The following GRM7 variants were observed in gnomAD, a reference collection of about 807,000 sequenced individuals.
The protein encoded by GRM7 is metabotropic glutamate receptor 7.
GRM7 carries 35 observed loss-of-function variants against 84.5 expected under a neutral mutation model. The observed-to-expected ratio is 0.41, with a 90% CI of 0.32 to 0.55. The LOEUF (loss-of-function observed/expected upper bound fraction) is 0.55, where lower values mean the gene tolerates loss of function less well. Ranked by LOEUF, GRM7 falls within the 20% of genes least tolerant of loss-of-function variation. The pLI is 0.19. For synonymous variants in GRM7, 487 were observed against 455.1 expected, an observed-to-expected ratio of 1.07 and a Z score of -0.89; for missense variants, 1,003 against 1,194.6, an observed-to-expected ratio of 0.84 and a Z score of 2.36.
chr3:7,703,754 T>C (rs193249361), intron 9 of GRM7, among the ~76,000 whole-genome samples: 141 of 152,320 alleles, frequency 9.3e-4, no homozygotes, highest in African/African-American at 3.3e-3. Flanking sequence ...TGTTATAATA[T>C]ACATTTGATA....
intron 8 of GRM7, among the ~76,000 whole-genome samples, chr3:7,647,575 G>C (rs1474378102): frequency 6.6e-6 from 1 of 152,208 alleles, no homozygotes; most frequent in Non-Finnish European, 1.5e-5. Flanking sequence ...TTGGAAGTAT[G>C]AGGGCTACAT....
chr3:7,309,045 GC>G (rs1303879021), intron 4 of GRM7, among the ~76,000 whole-genome samples: 1 of 152,202 alleles, frequency 6.6e-6, no homozygotes, highest in Non-Finnish European at 1.5e-5. Flanking sequence ...TGATGGAATA[GC>G]AAGAGTTCAT....
At chr3:7,198,081 C>T (rs1047902254) in intron 2 of GRM7, among the ~76,000 whole-genome samples, 6 of 150,168 alleles carry the variant, frequency 4.0e-5, no homozygotes, top group Non-Finnish European at 8.9e-5. Flanking sequence ...GAGTTTTAAT[C>T]GTTTTAATCA....
In GRM7 at chr3:7,692,932, C is replaced by G. The variant is rs79423587; in HGVS notation, c.2698+12637C>G. Reference sequence around the variant, plus strand: ...AGGGTTTCAAGGAGGGAAACATAATCTAACTTCAGGGCCACTGTGGAGTGA... The same window carrying G: ...AGGGTTTCAAGGAGGGAAACATAATGTAACTTCAGGGCCACTGTGGAGTGA... On this transcript the variant is annotated intron_variant, in intron 9 of 9. Coordinates refer to ENST00000357716, the MANE Select transcript of GRM7 (RefSeq NM_000844.4). Among the ~76,000 whole-genome samples, 738 of 148,056 alleles carry G rather than the reference C, an allele frequency of 5.0e-3. 15 individuals carry two copies. In the East Asian group the frequency reaches 0.092, roughly 18 times the overall value.
chr3:6,936,706 A>G (rs1208952608), intron 1 of GRM7, among the ~76,000 whole-genome samples: 2 of 152,254 alleles, frequency 1.3e-5, no homozygotes, highest in Non-Finnish European at 2.9e-5. Context: ...AAAGAATCAC[A>G]AGTCCCCTTT....
In GRM7 at chr3:7,267,723, C is replaced by T. The variant is rs187314684; in HGVS notation, c.737-30961C>T. On this transcript the variant is annotated intron_variant, in intron 2 of 9. Transcript: ENST00000357716. ...TTATATAGCGGGGAAAGACGGAAAACGGGCAATAGGGAGGGATGAGAAAGG... is the reference window on the plus strand; with the variant it reads ...TTATATAGCGGGGAAAGACGGAAAATGGGCAATAGGGAGGGATGAGAAAGG... Among the ~76,000 whole-genome samples the T allele has an allele frequency of 1.9e-3, 289 of 152,108 alleles. 4 individuals are homozygous for T. The highest frequency in any genetic ancestry group is 3.1e-4 in the Non-Finnish European group (21 of 67,994).
chr3:7,047,880 C>T (rs567543744), intron 1 of GRM7, among the ~76,000 whole-genome samples: 9 of 151,986 alleles, frequency 5.9e-5, no homozygotes, highest in Non-Finnish European at 1.0e-4. Context: ...TGAAAATTAC[C>T]GTGAGACCTC....
chr3:7,185,533 C>T (rs1222793783), intron 2 of GRM7, among the ~76,000 whole-genome samples: 1 of 152,044 alleles, frequency 6.6e-6, no homozygotes, highest in Non-Finnish European at 1.5e-5. Context: ...TTTATGAGGC[C>T]ATTTTGCTGC....
rs1325419160 is a variant in GRM7 at position 7,673,237 on chromosome 3, T to G, written c.2452-6812T>G. Among the ~76,000 whole-genome samples, 3 of 152,292 alleles carry G rather than the reference T, an allele frequency of 2.0e-5. No homozygotes were observed. The South Asian group carries it at 6.2e-4, about 32-fold the overall frequency. On this transcript the variant is annotated intron_variant, in intron 8 of 9. Coordinates refer to ENST00000357716, the MANE Select transcript of GRM7 (RefSeq NM_000844.4). ...ACACAAATAGAAAAAATGCTACTAA[T>G]AGACTACAAATAATAGCTTTTCTTG...
At chr3:7,663,671 A>G (rs1015306966) in intron 8 of GRM7, among the ~76,000 whole-genome samples, 1 of 152,214 alleles carries the variant, frequency 6.6e-6, no homozygotes, top group Non-Finnish European at 1.5e-5. Context: ...TTTCTTCAGC[A>G]TGTGTCTTAA....
intron 8 of GRM7, among the ~76,000 whole-genome samples, chr3:7,660,206 C>G (rs993202603): frequency 6.6e-6 from 1 of 152,270 alleles, no homozygotes; most frequent in South Asian, 2.1e-4. Flanking sequence ...CTGGCAGTCA[C>G]CGCTTTAACC....
At chr3:6,901,422 A>T (rs1696376496) in intron 1 of GRM7, among the ~76,000 whole-genome samples, 1 of 151,772 alleles carries the variant, frequency 6.6e-6, no homozygotes, top group African/African-American at 2.4e-5. Flanking sequence ...ACACGGTGAA[A>T]CCCCATCTCT....
At chr3:6,948,935 G>T (rs529035824) in intron 1 of GRM7, among the ~76,000 whole-genome samples, 33 of 152,084 alleles carry the variant, frequency 2.2e-4, no homozygotes, top group African/African-American at 7.7e-4. Flanking sequence ...CTTTTGTTTT[G>T]AGCTTATGTG....
intron 8 of GRM7, among the ~76,000 whole-genome samples, chr3:7,671,498 C>G (rs968647044): frequency 1.3e-5 from 2 of 151,658 alleles, no homozygotes; most frequent in Non-Finnish European, 2.9e-5. Flanking sequence ...TTACGTCTAT[C>G]CAAATAAAGA....
At chr3:7,606,271 GACTAAAGA>G (rs1207448305) in intron 8 of GRM7, among the ~76,000 whole-genome samples, 1 of 151,548 alleles carries the variant, frequency 6.6e-6, no homozygotes, top group Admixed American at 6.6e-5. Context: ...TTTTTTATAA[GACTAAAGA>G]ACAAATCCTT....
chr3:7,178,374 T>G (rs1168623711), intron 2 of GRM7, among the ~76,000 whole-genome samples: 1 of 152,172 alleles, frequency 6.6e-6, no homozygotes, highest in Non-Finnish European at 1.5e-5. Context: ...AATCAGATTT[T>G]GGTTTTTTTT....
chr3:6,941,238 G>A (rs892499177), intron 1 of GRM7, among the ~76,000 whole-genome samples: 1 of 152,168 alleles, frequency 6.6e-6, no homozygotes, highest in Non-Finnish European at 1.5e-5. Context: ...AGAACCCTCT[G>A]CTTTAGGTAT....
chr3:7,535,549 C>T (rs1324102042), intron 7 of GRM7, among the ~76,000 whole-genome samples: 1 of 152,216 alleles, frequency 6.6e-6, no homozygotes, highest in Non-Finnish European at 1.5e-5. Context: ...CTCCATAATT[C>T]AACTGACAGA....
chr3:7,116,189 T>C (rs1693026146), intron 1 of GRM7, among the ~76,000 whole-genome samples: 1 of 152,124 alleles, frequency 6.6e-6, no homozygotes, highest in Admixed American at 6.6e-5. Flanking sequence ...TTTCTTCCTT[T>C]GAGAGTTGGT....
Sources: gnomAD v4.1 joint callset for allele counts (sites outside exome capture counted in the v4.1 genomes callset) on GRCh38, gnomAD v4.1.1 for gene constraint, MANE v1.5 for transcripts, NCBI Gene and HGNC (gene_info 2026-07-23, HGNC 2026-07-21) for gene names.